The following SCNN1B variants were observed in gnomAD, a reference collection of about 807,000 sequenced individuals.
SCNN1B encodes the protein sodium channel epithelial 1 subunit beta.
SCNN1B carries 46 observed loss-of-function variants against 65.3 expected under a neutral mutation model. That is an observed-to-expected ratio of 0.70 (90% CI 0.56 to 0.90). The LOEUF is 0.90. Among genes scored for constraint, SCNN1B ranks in the 40% least tolerant of loss-of-function variants. The probability of loss-of-function intolerance (pLI) is 0.00; values close to 1 mark genes in which losing one functional copy is unlikely to be tolerated. For synonymous variants in SCNN1B, 349 were observed against 330.6 expected, an observed-to-expected ratio of 1.06 and a Z score of -0.60; for missense variants, 751 against 830.5, an observed-to-expected ratio of 0.90 and a Z score of 1.18.
chr16:23,362,141 T>C (rs536256752), intron 4 of SCNN1B, among the ~76,000 whole-genome samples: 10 of 152,156 alleles, frequency 6.6e-5, no homozygotes, highest in African/African-American at 2.2e-4. Flanking sequence ...GCCCAGGAGT[T>C]TGACACCGGT....
chr16:23,349,682 CA>C (rs1359945021), intron 2 of SCNN1B, among the ~76,000 whole-genome samples: 2 of 152,152 alleles, frequency 1.3e-5, no homozygotes, highest in Non-Finnish European at 2.9e-5. Context: ...CTGTCCTAGG[CA>C]ACACAAATAC....
intron 2 of SCNN1B, among the ~76,000 whole-genome samples, chr16:23,352,352 A>G (rs1455469629): frequency 6.6e-6 from 1 of 152,166 alleles, no homozygotes; most frequent in Non-Finnish European, 1.5e-5. Context: ...TAGCAGTGTG[A>G]TATGGTTGGC....
chr16:23,351,829 T>C (rs1962315045), intron 2 of SCNN1B, among the ~76,000 whole-genome samples: 1 of 152,140 alleles, frequency 6.6e-6, no homozygotes, highest in Admixed American at 6.5e-5. Flanking sequence ...GTCCCATTCA[T>C]TTTCTCTCTC....
intron 4 of SCNN1B, 113 bp from the exon 5 acceptor site, chr16:23,367,743 G>A (rs765661637): frequency 8.4e-5 from 70 of 838,122 alleles, no homozygotes; most frequent in Admixed American, 1.9e-4. Context: ...CCTGTTGCTC[G>A]CCTCTCCCTT....
chr16:23,365,240 C>A (rs895641576), intron 4 of SCNN1B, among the ~76,000 whole-genome samples: 1 of 151,196 alleles, frequency 6.6e-6, no homozygotes, highest in Non-Finnish European at 1.5e-5. Flanking sequence ...TACAGTGAAC[C>A]AATATCACGC....
At chr16:23,358,691 G>C (rs1962469525) in intron 4 of SCNN1B, 1 of 152,210 alleles carries the variant, frequency 6.6e-6, no homozygotes, top group Non-Finnish European at 1.5e-5. Flanking sequence ...CAGATCGCTT[G>C]AGACCAGGGG....
chr16:23,380,355 C>T lies in SCNN1B; in HGVS notation c.1543-66C>T, dbSNP rs72654353. The T allele has an allele frequency of 3.5e-4, 559 of 1,611,722 alleles. 1 individual carries two copies. Among genetic ancestry groups the T allele is most frequent in the Non-Finnish European group, 3.9e-4 (457 of 1,179,008 alleles). On this transcript the variant is annotated intron_variant, in intron 12 of 12. Coordinates refer to ENST00000343070, the MANE Select transcript of SCNN1B (RefSeq NM_000336.3). This position sits in a 1 kb window ranked among gnomAD's most constrained non-coding sequence, Gnocchi z 5.4. Reference sequence around the variant, plus strand: ...CACCCAAGAATCACCTCCCAGGAAGCTGTGAGGCTGGGCTAGAGGCAAGAA... The same window carrying T: ...CACCCAAGAATCACCTCCCAGGAAGTTGTGAGGCTGGGCTAGAGGCAAGAA...
chr16:23,371,195 CCT>C, intron 5 of SCNN1B, 102 bp from the exon 6 acceptor site: 1 of 1,334,510 alleles, frequency 7.5e-7, no homozygotes, highest in South Asian at 1.3e-5. Context: ...CTTGGCGGTC[CCT>C]GGAGGTCCCC....
Position 23,380,250 on chromosome 16 carries a change from C to T in SCNN1B, c.1542+81C>T, listed in dbSNP as rs1367489484. ...CTGAGGGTGGGGGAAGGGTTCTGAG[C>T]CCTATGAAGGAATTAGGAAGATCCC... is the stretch of plus-strand genomic sequence containing the variant. On this transcript the variant is annotated intron_variant, in intron 12 of 12. Coordinates refer to ENST00000343070, the MANE Select transcript of SCNN1B (RefSeq NM_000336.3). The surrounding 1 kb of genome is among the most constrained non-coding windows in gnomAD (Gnocchi z 5.4). 2 of 1,501,826 alleles carry T rather than the reference C, an allele frequency of 1.3e-6. No homozygotes were observed. The highest frequency in any genetic ancestry group is 1.1e-5 in the South Asian group (1 of 88,742). 93.0% of individuals were successfully genotyped at this position (1,501,826 alleles called of 1,614,324 possible). A position where few individuals can be genotyped will look rare whatever the true frequency, so the allele number is the denominator to read the frequency against.
In SCNN1B at chr16:23,346,250, C is replaced by T. The variant is rs538818722; in HGVS notation, c.-8-2342C>T. 5.5e-3 allele frequency among the ~76,000 whole-genome samples: 601 copies of T among 110,264 alleles called. 4 individuals are homozygous for T. In the Middle Eastern group the frequency reaches 0.094, roughly 17 times the overall value. The allele number at this position is 110,264 out of a possible 152,430, so 72.3% of individuals were successfully genotyped here. A position where few individuals can be genotyped will look rare whatever the true frequency, so the allele number is the denominator to read the frequency against. On this transcript the variant is annotated intron_variant, in intron 1 of 12. Transcript: ENST00000343070. ...TTTTTGAGACGGAGTCTCACTCTGT[C>T]GTCCAGGCTGGAGTGCAGTGGGGCG...
chr16:23,322,188 G>C (rs924897937), intron 1 of SCNN1B, among the ~76,000 whole-genome samples: 1 of 152,020 alleles, frequency 6.6e-6, no homozygotes, highest in South Asian at 2.1e-4. Context: ...ATTCATTCCC[G>C]TATTAAGCCC....
At chr16:23,359,362 T>C (rs143054220) in intron 4 of SCNN1B, 2 of 152,190 alleles carry the variant, frequency 1.3e-5, no homozygotes, top group Non-Finnish European at 2.9e-5. Context: ...GAAAGGGTGA[T>C]CGTCATCTTC....
intron 1 of SCNN1B, among the ~76,000 whole-genome samples, chr16:23,305,565 TATATATATATATTATA>T (rs1341677862): frequency 0.15 from 8,189 of 54,100 alleles, 837 homozygotes; most frequent in African/African-American, 0.18. Context: ...TATATATATA[TATATATATATATTATA>T]TATATATATA....
At position 23,375,874 on chromosome 16, in the gene SCNN1B, G is replaced by A. The variant is rs777158193; in HGVS notation, c.1270+19G>A. Reference sequence around the variant, plus strand: ...GACTGGGGTGAGCGGGGGCACGGGGGATCGGCACTCCAGCCATCTGGGGCC... The same window carrying A: ...GACTGGGGTGAGCGGGGGCACGGGGAATCGGCACTCCAGCCATCTGGGGCC... On this transcript the variant is annotated intron_variant, in intron 8 of 12. Transcript: ENST00000343070. 2.7e-6 allele frequency: 4 copies of A among 1,505,582 alleles called. No individual in the cohort carries two copies. The highest frequency in any genetic ancestry group is 1.7e-5 in the Admixed American group (1 of 59,928). The allele number at this position is 1,505,582 out of a possible 1,614,324, so 93.3% of individuals were successfully genotyped here.
chr16:23,299,619 T>A (rs1417463623), upstream of SCNN1B, among the ~76,000 whole-genome samples: 1 of 152,140 alleles, frequency 6.6e-6, no homozygotes, highest in Non-Finnish European at 1.5e-5. Context: ...ATTACAGAAA[T>A]GCAAATCAAA....
chr16:23,360,748 A>G (rs1287545560), intron 4 of SCNN1B, among the ~76,000 whole-genome samples: 1 of 151,458 alleles, frequency 6.6e-6, no homozygotes, highest in Non-Finnish European at 1.5e-5. Context: ...GGCATGCACC[A>G]CCACACCTGG....
At chr16:23,319,775 G>T (rs1042794998) in intron 1 of SCNN1B, among the ~76,000 whole-genome samples, 1 of 147,978 alleles carries the variant, frequency 6.8e-6, no homozygotes, top group Non-Finnish European at 1.5e-5. Context: ...TTTATTTTTT[G>T]TTTTTTTTTT....
chr16:23,324,845 A>T (rs976015813), intron 1 of SCNN1B, among the ~76,000 whole-genome samples: 22 of 152,328 alleles, frequency 1.4e-4, no homozygotes, highest in African/African-American at 5.3e-4. Context: ...ATCCTGGGCA[A>T]GTGGCCACTT....
At chr16:23,367,731 G>T in intron 4 of SCNN1B, 125 bp from the exon 5 acceptor site, 1 of 787,148 alleles carries the variant, frequency 1.3e-6, no homozygotes, top group South Asian at 1.4e-5. Flanking sequence ...TGGACAGAAT[G>T]ACCTGTTGCT....
Sources: allele counts gnomAD v4.1 joint callset (sites outside exome capture counted in the v4.1 genomes callset), GRCh38; gene constraint gnomAD v4.1.1; non-coding constraint Gnocchi (gnomAD v3.1); transcripts MANE v1.5; gene names NCBI Gene and HGNC (gene_info 2026-07-23, HGNC 2026-07-21).